Variants in CLSTN2 observed in about 807,000 individuals in gnomAD.
CLSTN2 encodes calsyntenin-2.
A neutral mutation model predicts 101.2 loss-of-function variants in CLSTN2; 48 were observed. The ratio of observed to expected loss-of-function variants is 0.47; its 90% CI spans 0.38 to 0.60. CLSTN2 has a LOEUF of 0.60. Ranked by LOEUF, CLSTN2 falls within the 20% of genes least tolerant of loss-of-function variation. CLSTN2 has a pLI of 0.00. For synonymous variants in CLSTN2, 481 were observed against 463.6 expected, an observed-to-expected ratio of 1.04 and a Z score of -0.48; for missense variants, 1,160 against 1,238.2, an observed-to-expected ratio of 0.94 and a Z score of 0.95.
At chr3:140,211,398 T>TCACACACACA (rs59994883) in intron 2 of CLSTN2, among the ~76,000 whole-genome samples, 6,558 of 113,314 alleles carry the variant, frequency 0.058, 556 homozygotes, top group African/African-American at 0.17. Flanking sequence ...GCTTGGTAAT[T>TCACACACACA]CACACACACA....
intron 1 of CLSTN2, among the ~76,000 whole-genome samples, chr3:139,939,959 A>G (rs975899493): frequency 1.3e-5 from 2 of 152,186 alleles, no homozygotes; most frequent in African/African-American, 2.4e-5. Context: ...TCAAGCTAGT[A>G]GGTCACCTTC....
At chr3:140,507,088 T>C (rs944769596) in intron 8 of CLSTN2, 1 of 152,134 alleles carries the variant, frequency 6.6e-6, no homozygotes, top group South Asian at 2.1e-4. Context: ...AGCCTCTTCC[T>C]GGACTGGGCA....
intron 1 of CLSTN2, among the ~76,000 whole-genome samples, chr3:140,029,329 A>G (rs966721377): frequency 5.9e-5 from 9 of 152,168 alleles, no homozygotes; most frequent in Admixed American, 1.3e-4. Flanking sequence ...TTTACATCTT[A>G]AAGATAGCAA....
chr3:140,193,478 CT>C (rs1226698942), intron 2 of CLSTN2, among the ~76,000 whole-genome samples: 2 of 151,562 alleles, frequency 1.3e-5, no homozygotes, highest in Non-Finnish European at 2.9e-5. Context: ...TCCTTCTAGC[CT>C]TTTTTATTTC....
rs534888016 is a variant in CLSTN2 at position 140,231,991 on chromosome 3, C to T, written c.232+55918C>T. On this transcript the variant is annotated intron_variant, in intron 2 of 16. Transcript: ENST00000458420. ...TTGAAAAATGAGGAAATAATGTAAC[C>T]GGATAATGGGTACTATATATCTTTG... 5.3e-5 allele frequency among the ~76,000 whole-genome samples: 8 copies of T among 152,196 alleles called. No individual in the cohort carries two copies. In the South Asian group the frequency reaches 8.3e-4, roughly 16 times the overall value.
intron 8 of CLSTN2, among the ~76,000 whole-genome samples, chr3:140,497,291 G>C (rs984139591): frequency 1.3e-4 from 20 of 152,200 alleles, no homozygotes; most frequent in Admixed American, 5.9e-4. Flanking sequence ...GGAGGGATCA[G>C]AGTTTTATTC....
chr3:140,464,247 C>A (rs367799559), intron 7 of CLSTN2, among the ~76,000 whole-genome samples: 1 of 152,188 alleles, frequency 6.6e-6, no homozygotes, highest in Non-Finnish European at 1.5e-5. Context: ...AAAGATCTTA[C>A]CCCGTCCTTT....
chr3:140,010,847 G>A (rs1476452726), intron 1 of CLSTN2, among the ~76,000 whole-genome samples: 2 of 152,230 alleles, frequency 1.3e-5, no homozygotes, highest in African/African-American at 4.8e-5. Flanking sequence ...TGGAATAATG[G>A]ATATGAAATT....
chr3:140,001,019 A>G (rs1436371681), intron 1 of CLSTN2, among the ~76,000 whole-genome samples: 2 of 152,184 alleles, frequency 1.3e-5, no homozygotes, highest in Admixed American at 6.5e-5. Context: ...TACTACTTCA[A>G]AATAACTTAC....
intron 1 of CLSTN2, among the ~76,000 whole-genome samples, chr3:140,131,048 G>C (rs898213705): frequency 6.6e-6 from 1 of 152,016 alleles, no homozygotes; most frequent in African/African-American, 2.4e-5. Flanking sequence ...GATTGAAGAT[G>C]ATCCTTCAAT....
intron 2 of CLSTN2, among the ~76,000 whole-genome samples, chr3:140,177,843 A>G (rs987986797): frequency 1.3e-5 from 2 of 152,306 alleles, no homozygotes; most frequent in Non-Finnish European, 1.5e-5. Context: ...ATGCAGGATT[A>G]TGGTTTATCT....
At chr3:140,317,657 TC>T (rs2087242260) in intron 2 of CLSTN2, among the ~76,000 whole-genome samples, 1 of 152,190 alleles carries the variant, frequency 6.6e-6, no homozygotes, top group Non-Finnish European at 1.5e-5. Context: ...TAACTTACTC[TC>T]TGAATACTAT....
chr3:140,544,693 T>A (rs1214193219), intron 9 of CLSTN2, among the ~76,000 whole-genome samples: 1 of 151,854 alleles, frequency 6.6e-6, no homozygotes, highest in South Asian at 2.1e-4. Context: ...AAAATGAACG[T>A]TCTAAGGCTC....
At chr3:140,000,115 G>A (rs2006796642) in intron 1 of CLSTN2, among the ~76,000 whole-genome samples, 1 of 151,800 alleles carries the variant, frequency 6.6e-6, no homozygotes, top group Admixed American at 6.6e-5. Context: ...CAGCAGTGTG[G>A]GGCTAGCAAT....
At chr3:140,274,898 C>T (rs754445692) in intron 2 of CLSTN2, among the ~76,000 whole-genome samples, 15 of 152,238 alleles carry the variant, frequency 9.9e-5, no homozygotes, top group South Asian at 6.2e-4. Context: ...CCACTTCTGG[C>T]GAGCATGGAG....
chr3:140,073,733 C>T (rs557271662), intron 1 of CLSTN2, among the ~76,000 whole-genome samples: 1 of 152,342 alleles, frequency 6.6e-6, no homozygotes, highest in African/African-American at 2.4e-5. Flanking sequence ...ATCCTTACCT[C>T]AGATGTTTTC....
intron 2 of CLSTN2, among the ~76,000 whole-genome samples, chr3:140,355,976 C>T (rs1475117664): frequency 6.6e-6 from 1 of 152,164 alleles, no homozygotes; most frequent in Non-Finnish European, 1.5e-5. Flanking sequence ...GAGTATTTTG[C>T]AAAACTCACC....
intron 8 of CLSTN2, among the ~76,000 whole-genome samples, chr3:140,486,682 T>C (rs936879346): frequency 7.2e-5 from 11 of 152,278 alleles, no homozygotes; most frequent in African/African-American, 2.4e-4. Context: ...GGTAGTATCA[T>C]TGGCAAGAAG....
intron 1 of CLSTN2, among the ~76,000 whole-genome samples, chr3:140,044,898 T>C (rs560581045): frequency 6.6e-6 from 1 of 152,338 alleles, no homozygotes; most frequent in South Asian, 2.1e-4. Flanking sequence ...TCATGGTGGA[T>C]AAGCTTTTTG....
Sources: allele counts gnomAD v4.1 joint callset (sites outside exome capture counted in the v4.1 genomes callset), GRCh38; gene constraint gnomAD v4.1.1; transcripts MANE v1.5; gene names NCBI Gene and HGNC (gene_info 2026-07-23, HGNC 2026-07-21).